The following CAMTA1 variants were observed in gnomAD, a reference collection of about 807,000 sequenced individuals.
CAMTA1 encodes calmodulin binding transcription activator 1, also known as calmodulin-binding transcription activator 1.
Under a neutral mutation model 170.9 loss-of-function variants are expected in CAMTA1, and 27 were observed. The ratio of observed to expected loss-of-function variants is 0.16; its 90% CI spans 0.12 to 0.22. CAMTA1 has a LOEUF of 0.22. Among genes scored for constraint, CAMTA1 ranks in the 10% least tolerant of loss-of-function variants. The pLI, the probability that CAMTA1 is intolerant of heterozygous loss-of-function variation, is 1.00. For missense variants in CAMTA1, 1,619 were observed against 2,217.2 expected (o/e 0.73, Z 5.42); for synonymous variants, 833 against 891.5 (o/e 0.93, Z 1.17).
At position 7,219,634 on chromosome 1, in the gene CAMTA1, C is replaced by G. The variant is rs1292661607; in HGVS notation, c.303-29857C>G. ...TTTCTCCAGAATCCATGTGCTGAAG[C>G]CTTAACCCCAGTGTGATAGTCTTTG... On this transcript the variant is annotated intron_variant, in intron 4 of 22. Transcript: ENST00000303635. 4.0e-5 allele frequency: 6 copies of G among 148,620 alleles called. No individual in the cohort carries two copies. In the East Asian group the frequency reaches 9.9e-4, roughly 25 times the overall value. 9.2% of individuals were successfully genotyped at this position (148,620 alleles called of 1,614,324 possible). A position where few individuals can be genotyped will look rare whatever the true frequency, so the allele number is the denominator to read the frequency against.
At chr1:7,213,654 A>G (rs1436543897) in intron 4 of CAMTA1, among the ~76,000 whole-genome samples, 4 of 151,968 alleles carry the variant, frequency 2.6e-5, no homozygotes, top group Non-Finnish European at 5.9e-5. Flanking sequence ...CATATGCACA[A>G]CGTGCAGGTT....
rs1361709842 is a variant in CAMTA1 at position 7,310,700 on chromosome 1, C to CTCTCTCTCTTTCTT, written c.438+61077_438+61078insCTCTCTTTCTTTCT. ...TCTTTCTCTCTCTCTCTCTCTCTCTCTCTTTCTTTCTTTCTTTCTTTCTTT... is the reference window on the plus strand; with the variant it reads ...TCTTTCTCTCTCTCTCTCTCTCTCTCTCTCTCTCTTTCTTTCTTTCTTTCTTTCTTTCTTTCTTT... On this transcript the variant is annotated intron_variant, in intron 5 of 22. Transcript: ENST00000303635. Among the ~76,000 whole-genome samples, 38 of 53,448 alleles carry CTCTCTCTCTTTCTT rather than the reference C, an allele frequency of 7.1e-4. 1 individual carries two copies. The highest frequency in any genetic ancestry group is 1.0e-3 in the South Asian group (2 of 1,972). 35.1% of individuals were successfully genotyped at this position (53,448 alleles called of 152,430 possible).
intron 4 of CAMTA1, among the ~76,000 whole-genome samples, chr1:7,149,696 G>A (rs1027810605): frequency 6.6e-6 from 1 of 152,172 alleles, no homozygotes; most frequent in Non-Finnish European, 1.5e-5. Context: ...TCCAAGCACG[G>A]CCGTCCCTGA....
At chr1:7,339,641 C>T (rs2149801035) in intron 5 of CAMTA1, among the ~76,000 whole-genome samples, 1 of 152,232 alleles carries the variant, frequency 6.6e-6, no homozygotes, top group South Asian at 2.1e-4. Context: ...CTTGCTGTGT[C>T]ACCCAGGCTG....
At chr1:7,032,310 T>C (rs562051861) in intron 3 of CAMTA1, among the ~76,000 whole-genome samples, 4 of 152,328 alleles carry the variant, frequency 2.6e-5, no homozygotes, top group African/African-American at 9.6e-5. Flanking sequence ...GAACATTTTT[T>C]TATCATTCCA....
intron 3 of CAMTA1, among the ~76,000 whole-genome samples, chr1:6,845,445 C>G (rs1322516230): frequency 1.3e-5 from 2 of 152,190 alleles, no homozygotes; most frequent in African/African-American, 4.8e-5. Context: ...TGAGAAAATT[C>G]TAGCCTAACC....
chr1:7,507,550 C>A (rs2094138835), intron 6 of CAMTA1, among the ~76,000 whole-genome samples: 1 of 152,224 alleles, frequency 6.6e-6, no homozygotes, highest in Non-Finnish European at 1.5e-5. Flanking sequence ...GGGCTCAGAA[C>A]ACAGCATCTT....
At chr1:7,214,529 G>T (rs932941117) in intron 4 of CAMTA1, among the ~76,000 whole-genome samples, 3 of 152,102 alleles carry the variant, frequency 2.0e-5, no homozygotes, top group East Asian at 3.9e-4. Flanking sequence ...ACCACTCCTG[G>T]CTAATTTTTT....
chr1:6,902,038 G>GACACACAC (rs1571533042), intron 3 of CAMTA1, among the ~76,000 whole-genome samples: 1 of 64,154 alleles, frequency 1.6e-5, no homozygotes, highest in African/African-American at 7.1e-5. Flanking sequence ...AGGTGAGACT[G>GACACACAC]TCACACACAC....
rs138342030 is a variant in CAMTA1, at chr1:7,399,722, C to T, written c.439-68108C>T. On this transcript the variant is annotated intron_variant, in intron 5 of 22. Transcript: ENST00000303635. ...GGGACAGACTATTTCTCCTTCATTT[C>T]TGAAAGATAGTTTTGTTGGGCATAA... Among the ~76,000 whole-genome samples, 942 of 152,276 alleles carry T rather than the reference C, an allele frequency of 6.2e-3. 12 individuals carry two copies. The highest frequency in any genetic ancestry group is 0.021 in the African/African-American group (877 of 41,544).
Position 7,325,755 on chromosome 1 carries a change from C to T in CAMTA1, c.438+76129C>T, listed in dbSNP as rs1220394761. ...TGGGAGATCTGCTGTGGACATACTG[C>T]ATTTGAGATGCCTCAAAAATTCAGA... On this transcript the variant is annotated intron_variant, in intron 5 of 22. Coordinates refer to ENST00000303635, the MANE Select transcript of CAMTA1 (RefSeq NM_015215.4). The surrounding 1 kb of genome is among the most constrained non-coding windows in gnomAD (Gnocchi z 5.0). Among the ~76,000 whole-genome samples, 1 of 152,202 alleles carries T rather than the reference C, an allele frequency of 6.6e-6. No individual in the cohort carries two copies. The highest frequency in any genetic ancestry group is 2.4e-5 in the African/African-American group (1 of 41,446).
intron 4 of CAMTA1, among the ~76,000 whole-genome samples, chr1:7,148,375 A>G (rs1257462489): frequency 6.6e-6 from 1 of 151,658 alleles, no homozygotes; most frequent in East Asian, 1.9e-4. Context: ...TACACACCAC[A>G]CACTCAAATA....
intron 3 of CAMTA1, among the ~76,000 whole-genome samples, chr1:6,974,022 G>A (rs548103114): frequency 6.6e-6 from 1 of 152,332 alleles, no homozygotes; most frequent in Non-Finnish European, 1.5e-5. Flanking sequence ...TTGAATTTTT[G>A]TGGGGTTCTC....
intron 3 of CAMTA1, among the ~76,000 whole-genome samples, chr1:7,026,371 C>G (rs549628197): frequency 6.6e-6 from 1 of 152,064 alleles, no homozygotes. Flanking sequence ...ATCCGTGGCA[C>G]GGCCTCATGT....
intron 9 of CAMTA1, among the ~76,000 whole-genome samples, chr1:7,667,259 C>A (rs1292867256): frequency 6.6e-6 from 1 of 152,116 alleles, no homozygotes; most frequent in African/African-American, 2.4e-5. Flanking sequence ...ACCCCCCACC[C>A]CACCCCATGA....
intron 5 of CAMTA1, among the ~76,000 whole-genome samples, chr1:7,465,567 G>A (rs935414825): frequency 2.6e-5 from 4 of 152,304 alleles, no homozygotes; most frequent in East Asian, 1.9e-4. Flanking sequence ...GTGAGGGCCC[G>A]AGGGTTCCTC....
At position 7,630,183 on chromosome 1, in the gene CAMTA1, C is replaced by T. The variant is rs1488074412; in HGVS notation, c.511-10217C>T. Among the ~76,000 whole-genome samples the T allele has an allele frequency of 4.6e-5, 7 of 152,322 alleles. No homozygotes were observed. In the East Asian group the frequency reaches 1.2e-3, roughly 25 times the overall value. On this transcript the variant is annotated intron_variant, in intron 6 of 22. Transcript: ENST00000303635. ...AAGTCCTCCCCTCCCGGGCAGCGCC[C>T]CTCCAGGATGGCTTGACCCCCCTCT...
chr1:6,944,454 A>G (rs1687239056), intron 3 of CAMTA1, among the ~76,000 whole-genome samples: 1 of 152,034 alleles, frequency 6.6e-6, no homozygotes, highest in Non-Finnish European at 1.5e-5. Flanking sequence ...ACCCCACCCC[A>G]TCACGTCCTG....
intron 5 of CAMTA1, among the ~76,000 whole-genome samples, chr1:7,372,769 A>G (rs968114348): frequency 6.6e-6 from 1 of 152,196 alleles, no homozygotes; most frequent in African/African-American, 2.4e-5. Context: ...GCACAGAGAG[A>G]TGAGACACGT....
Sources: gnomAD v4.1 joint callset for allele counts (sites outside exome capture counted in the v4.1 genomes callset) on GRCh38, gnomAD v4.1.1 for gene constraint, Gnocchi (gnomAD v3.1) non-coding constraint, MANE v1.5 for transcripts, NCBI Gene and HGNC (gene_info 2026-07-23, HGNC 2026-07-21) for gene names.